Variants in ENTREP1 observed in about 807,000 individuals in gnomAD.
ENTREP1 encodes the protein Friedreich ataxia region gene X123.
the ENTREP1 span, among the ~76,000 whole-genome samples, chr9:69,369,326 A>G: frequency 6.6e-6 from 1 of 152,258 alleles, no homozygotes; most frequent in Admixed American, 6.5e-5. Context: ...AGAATGATTT[A>G]TAATCCTTTG....
the ENTREP1 span, among the ~76,000 whole-genome samples, chr9:69,363,986 C>T: frequency 1.3e-5 from 2 of 152,140 alleles, no homozygotes; most frequent in Non-Finnish European, 2.9e-5. Flanking sequence ...AATGTAACTG[C>T]AGATTTATCT....
chr9:69,345,546 G>A, the ENTREP1 span, among the ~76,000 whole-genome samples: 1 of 152,198 alleles, frequency 6.6e-6, no homozygotes. Flanking sequence ...TGCCTTTTAA[G>A]AGGGAAAATA....
chr9:69,366,638 C>T, the ENTREP1 span, among the ~76,000 whole-genome samples: 1 of 151,912 alleles, frequency 6.6e-6, no homozygotes, highest in African/African-American at 2.4e-5. Flanking sequence ...AGTATTTTCT[C>T]TATGTTTTCT....
the ENTREP1 span, chr9:69,391,978 C>G: frequency 5.6e-4 from 355 of 635,832 alleles, no homozygotes; most frequent in Non-Finnish European, 8.8e-4. Context: ...ATGCACAGGT[C>G]GGTCCAGGCC....
the ENTREP1 span, among the ~76,000 whole-genome samples, chr9:69,390,254 C>G: frequency 6.6e-6 from 1 of 152,048 alleles, no homozygotes; most frequent in Non-Finnish European, 1.5e-5. Flanking sequence ...TTTTAATGAC[C>G]TTAAAGGCTC....
chr9:69,366,744 T>A, the ENTREP1 span, among the ~76,000 whole-genome samples: 1 of 152,082 alleles, frequency 6.6e-6, no homozygotes, highest in Non-Finnish European at 1.5e-5. Flanking sequence ...TCTAGTTTTT[T>A]CTTCTGAATA....
At chr9:69,346,991 C>T in the ENTREP1 span, among the ~76,000 whole-genome samples, 18 of 152,172 alleles carry the variant, frequency 1.2e-4, no homozygotes, top group African/African-American at 3.1e-4. Flanking sequence ...TGGTGTCTGA[C>T]GGGACCGTTG....
the ENTREP1 span, among the ~76,000 whole-genome samples, chr9:69,390,137 A>C: frequency 2.0e-5 from 3 of 152,362 alleles, no homozygotes; most frequent in African/African-American, 7.2e-5. Flanking sequence ...AACTTCTTTG[A>C]ATGTTGAACT....
the ENTREP1 span, among the ~76,000 whole-genome samples, chr9:69,339,629 C>A: frequency 6.6e-6 from 1 of 152,160 alleles, no homozygotes; most frequent in African/African-American, 2.4e-5. Context: ...TAGTGGGAGG[C>A]CATGCTCCAT....
chr9:69,336,303 TA>T, the ENTREP1 span: 1 of 1,321,856 alleles, frequency 7.6e-7, no homozygotes, highest in Non-Finnish European at 1.1e-6. Context: ...CTACCCTTTA[TA>T]AAATGTGCTA....
the ENTREP1 span, among the ~76,000 whole-genome samples, chr9:69,351,920 G>A: frequency 6.6e-6 from 1 of 151,952 alleles, no homozygotes; most frequent in Admixed American, 6.6e-5. Flanking sequence ...ATTTTTTAAT[G>A]TTCAAGAACA....
the ENTREP1 span, among the ~76,000 whole-genome samples, chr9:69,353,688 G>C: frequency 3.2e-4 from 49 of 152,204 alleles, 1 homozygote; most frequent in East Asian, 8.9e-3. Context: ...AGTATGATTT[G>C]TGCACATTTC....
chr9:69,353,334 G>A, the ENTREP1 span, among the ~76,000 whole-genome samples: 1 of 152,156 alleles, frequency 6.6e-6, no homozygotes. Flanking sequence ...CAATAGAAAA[G>A]TTGAGCAAAT....
the ENTREP1 span, among the ~76,000 whole-genome samples, chr9:69,374,773 C>T: frequency 6.6e-6 from 1 of 152,050 alleles, no homozygotes; most frequent in Non-Finnish European, 1.5e-5. Flanking sequence ...GGTGGATGTT[C>T]ATTATTTAGG....
At chr9:69,349,967 G>A in the ENTREP1 span, among the ~76,000 whole-genome samples, 1 of 152,196 alleles carries the variant, frequency 6.6e-6, no homozygotes, top group African/African-American at 2.4e-5. Context: ...AGATTATAGG[G>A]TGAACCATTG....
chr9:69,366,384 G>GTTTTTTTTTTTTTTTTTTTTTTTTTTT, the ENTREP1 span, among the ~76,000 whole-genome samples: 1 of 122,992 alleles, frequency 8.1e-6, no homozygotes, highest in African/African-American at 2.9e-5. Context: ...TTCCAACTGG[G>GTTTTTTTTTTTTTTTTTTTTTTTTTTT]GTTTTTTTTT....
chr9:69,355,999 A>C, the ENTREP1 span, among the ~76,000 whole-genome samples: 1 of 152,208 alleles, frequency 6.6e-6, no homozygotes, highest in Non-Finnish European at 1.5e-5. Flanking sequence ...TAAAGTGTAC[A>C]ATTCAGTGGC....
chr9:69,371,391 TA>T, the ENTREP1 span: 1 of 882,534 alleles, frequency 1.1e-6, no homozygotes, highest in Non-Finnish European at 1.9e-6. Context: ...GATCTTTTTT[TA>T]AAAAAATGTT....
At chr9:69,371,637 A>G in the ENTREP1 span, 1 of 1,415,068 alleles carries the variant, frequency 7.1e-7, no homozygotes, top group Non-Finnish European at 1.0e-6. Flanking sequence ...ATCACTGTGC[A>G]TCTAGGCAGA....
Sources: allele counts gnomAD v4.1 joint callset (sites outside exome capture counted in the v4.1 genomes callset), GRCh38; gene constraint gnomAD v4.1.1; transcripts MANE v1.5; gene names NCBI Gene and HGNC (gene_info 2026-07-23, HGNC 2026-07-21).